VCL: variants seen among roughly 807,000 people sequenced by gnomAD.
The protein encoded by VCL is epididymis luminal protein 114.
In VCL, 47 loss-of-function variants were observed where a neutral mutation model predicts 125.7. The observed-to-expected ratio is 0.37, with a 90% CI of 0.30 to 0.48. VCL has a LOEUF of 0.48. Among genes scored for constraint, VCL ranks in the 20% least tolerant of loss-of-function variants. The pLI is 0.99. For missense variants in VCL, 1,069 were observed against 1,455.5 expected (o/e 0.73, Z 4.32); for synonymous variants, 458 against 514.6 (o/e 0.89, Z 1.49).
chr10:74,001,829 G>A (rs959515199), intron 1 of VCL, among the ~76,000 whole-genome samples: 2 of 152,072 alleles, frequency 1.3e-5, no homozygotes, highest in Admixed American at 1.3e-4. Flanking sequence ...TTATTCTAGT[G>A]CTTTTCTTTG....
chr10:74,031,835 C>T (rs534887284), intron 1 of VCL, among the ~76,000 whole-genome samples: 150 of 152,010 alleles, frequency 9.9e-4, no homozygotes, highest in Non-Finnish European at 1.7e-3. Context: ...GAGGCCGAGG[C>T]GGGCGGATCA....
At position 74,117,879 on chromosome 10, in the gene VCL, G is replaced by C. The variant is rs140785696; in HGVS notation, c.3259-144G>C. On this transcript the variant is annotated intron_variant, in intron 21 of 21. Transcript: ENST00000211998. ...GTTTTGGGTTCTTTTTGGTGATCTG[G>C]GAAAACCCCTAGTGATGCAAGCAAA... 1,269 of 1,213,560 alleles carry C rather than the reference G, an allele frequency of 1.0e-3. 5 individuals carry two copies. In the African/African-American group the frequency reaches 0.013, roughly 13 times the overall value. The allele number at this position is 1,213,560 out of a possible 1,614,324, so 75.2% of individuals were successfully genotyped here. A position where few individuals can be genotyped will look rare whatever the true frequency, so the allele number is the denominator to read the frequency against.
intron 1 of VCL, among the ~76,000 whole-genome samples, chr10:74,026,089 C>T (rs750734673): frequency 6.6e-6 from 1 of 152,198 alleles, no homozygotes; most frequent in Admixed American, 6.5e-5. Flanking sequence ...AGATGGTTCT[C>T]TACCTGGCCT....
intron 1 of VCL, among the ~76,000 whole-genome samples, chr10:73,998,599 TGA>T (rs1840162580): frequency 6.6e-6 from 1 of 152,206 alleles, no homozygotes; most frequent in Non-Finnish European, 1.5e-5. Flanking sequence ...GGAGCAGTCA[TGA>T]AAAAGGCTGC....
intron 19 of VCL, 112 bp downstream of exon 19, chr10:74,112,224 C>A: frequency 7.2e-7 from 1 of 1,379,768 alleles, no homozygotes; most frequent in Non-Finnish European, 1.0e-6. Context: ...CTGAGCAGGG[C>A]GGGCATCTGT....
chr10:74,114,699 C>T lies in VCL; in HGVS notation c.3154-96C>T, dbSNP rs74333040. The T allele has an allele frequency of 3.0e-6, 4 of 1,335,120 alleles. No homozygotes were observed. In the East Asian group the frequency reaches 1.0e-4, roughly 33 times the overall value. 82.7% of individuals were successfully genotyped at this position (1,335,120 alleles called of 1,614,324 possible). A position where few individuals can be genotyped will look rare whatever the true frequency, so the allele number is the denominator to read the frequency against. Reference sequence around the variant, plus strand: ...TATTTATCGAGTGCCTTTTCTGTGCCAGCCACTGGGAATACAGAGGTAGGT... The same window carrying T: ...TATTTATCGAGTGCCTTTTCTGTGCTAGCCACTGGGAATACAGAGGTAGGT... On this transcript the variant is annotated intron_variant, in intron 20 of 21. Coordinates refer to ENST00000211998, the MANE Select transcript of VCL (RefSeq NM_014000.3).
At chr10:74,017,213 A>G (rs1048488533) in intron 1 of VCL, among the ~76,000 whole-genome samples, 1 of 149,882 alleles carries the variant, frequency 6.7e-6, no homozygotes, top group African/African-American at 2.5e-5. Flanking sequence ...ACGCCCGGCT[A>G]ATTTTTTGTA....
chr10:74,114,436 T>TGC lies in VCL; in HGVS notation c.3153+51_3153+52dup, dbSNP rs777569681. ...GTGTGTGTGTGTGTGTGTGTGTGTG[T>TGC]GCGTGTGTGTGTGTGTTGGAGGGGA... On this transcript the variant is annotated intron_variant, in intron 20 of 21. Transcript: ENST00000211998. 20 of 1,411,746 alleles carry TGC rather than the reference T, an allele frequency of 1.4e-5. No homozygotes were observed. The African/African-American group carries it at 1.6e-4, about 12-fold the overall frequency. The allele number at this position is 1,411,746 out of a possible 1,614,324, so 87.5% of individuals were successfully genotyped here. A position where few individuals can be genotyped will look rare whatever the true frequency, so the allele number is the denominator to read the frequency against.
intron 13 of VCL, 143 bp from the exon 14 acceptor site, chr10:74,100,801 TTGAC>T: frequency 2.1e-6 from 2 of 956,874 alleles, no homozygotes; most frequent in Admixed American, 2.1e-5. Flanking sequence ...GATTTGGAGT[TTGAC>T]TGTTGTTTTA....
intron 1 of VCL, among the ~76,000 whole-genome samples, chr10:73,998,623 GTCGTGAAGA>G (rs1236177167): frequency 6.6e-6 from 1 of 152,254 alleles, no homozygotes; most frequent in East Asian, 1.9e-4. Context: ...TTGCGGGCTT[GTCGTGAAGA>G]TATGGCGAGG....
chr10:74,110,503 C>T (rs1463469577), intron 18 of VCL, among the ~76,000 whole-genome samples: 3 of 152,222 alleles, frequency 2.0e-5, no homozygotes, highest in South Asian at 4.2e-4. Context: ...AATATCTGTT[C>T]GTGTGTCTGT....
chr10:74,018,140 GA>G (rs202084961), intron 1 of VCL, among the ~76,000 whole-genome samples: 3 of 97,962 alleles, frequency 3.1e-5, no homozygotes, highest in Admixed American at 1.2e-4. Context: ...GTCTCAAAAA[GA>G]AAAAAAAATC....
At chr10:74,060,091 G>A (rs1020790957) in intron 2 of VCL, among the ~76,000 whole-genome samples, 1 of 152,038 alleles carries the variant, frequency 6.6e-6, no homozygotes, top group African/African-American at 2.4e-5. Context: ...GAGCCCAGGA[G>A]TTCAAGACCA....
chr10:74,107,861 C>A (rs1840162221), intron 17 of VCL, among the ~76,000 whole-genome samples: 2 of 151,962 alleles, frequency 1.3e-5, no homozygotes, highest in Admixed American at 6.6e-5. Flanking sequence ...TTCCCCACTA[C>A]CCCCCGCAAG....
chr10:74,038,819 T>G (rs542249711), intron 1 of VCL, among the ~76,000 whole-genome samples: 1 of 152,348 alleles, frequency 6.6e-6, no homozygotes, highest in African/African-American at 2.4e-5. Flanking sequence ...TTGCTTTATC[T>G]TTGGATAATA....
At chr10:74,034,564 A>G (rs1456576941) in intron 1 of VCL, among the ~76,000 whole-genome samples, 1 of 152,246 alleles carries the variant, frequency 6.6e-6, no homozygotes, top group Non-Finnish European at 1.5e-5. Flanking sequence ...TATTTGTTTA[A>G]GCATTTGTCA....
intron 1 of VCL, among the ~76,000 whole-genome samples, chr10:74,038,792 G>C (rs1000922906): frequency 6.6e-6 from 1 of 152,122 alleles, no homozygotes; most frequent in Non-Finnish European, 1.5e-5. Flanking sequence ...TAATGTTTTT[G>C]CCTGGTGTAG....
chr10:74,114,440 T>C (rs536116100), intron 20 of VCL, 53 bp downstream of exon 20: 62 of 1,108,524 alleles, frequency 5.6e-5, no homozygotes, highest in East Asian at 2.9e-4. Context: ...TGTGTGTGCG[T>C]GTGTGTGTGT....
At chr10:74,005,200 A>G (rs1840298916) in intron 1 of VCL, 3 of 152,176 alleles carry the variant, frequency 2.0e-5, no homozygotes, top group African/African-American at 7.2e-5. Context: ...TGCTACATCA[A>G]AAGAGATGTA....
Sources: gnomAD v4.1 joint callset for allele counts (sites outside exome capture counted in the v4.1 genomes callset) on GRCh38, gnomAD v4.1.1 for gene constraint, MANE v1.5 for transcripts, NCBI Gene and HGNC (gene_info 2026-07-23, HGNC 2026-07-21) for gene names.